Variants in QKI observed in about 807,000 individuals in gnomAD.
QKI encodes the protein KH domain-containing RNA-binding protein QKI.
QKI carries 10 observed loss-of-function variants against 39.0 expected under a neutral mutation model. The observed-to-expected ratio is 0.26, with a 90% CI of 0.16 to 0.43. The LOEUF is 0.43. QKI is among the 20% of genes least tolerant of loss of function. QKI has a pLI of 1.00. For synonymous variants in QKI, 204 were observed against 155.4 expected (o/e 1.31, Z -2.33); for missense variants, 218 against 428.0 (o/e 0.51, Z 4.33).
chr6:163,483,492 AT>A lies in QKI; in HGVS notation c.402+4605del, dbSNP rs199662778. Among the ~76,000 whole-genome samples, 1,624 of 151,918 alleles carry A rather than the reference AT, an allele frequency of 0.011. 81 individuals carry two copies. In the East Asian group the frequency reaches 0.13, roughly 12 times the overall value. Reference sequence around the variant, plus strand: ...AAACTAAGTTTATGTAATATTATAAATTTTTTTTTGTCATTTCAACAGTGTT... The same window carrying A: ...AAACTAAGTTTATGTAATATTATAAATTTTTTTTGTCATTTCAACAGTGTT... On this transcript the variant is annotated intron_variant, in intron 3 of 7. Transcript: ENST00000361752.
In QKI at chr6:163,484,400, C is replaced by T. The variant is rs1036636911; in HGVS notation, c.402+5504C>T. Among the ~76,000 whole-genome samples the T allele has an allele frequency of 5.9e-5, 9 of 152,016 alleles. 1 individual carries two copies. In the South Asian group the frequency reaches 6.2e-4, roughly 11 times the overall value. ...ATTTTTAGTAGAGATGCGGTTTTGC[C>T]GTGTTGGCCAGGCTAGTCTCGAACT... On this transcript the variant is annotated intron_variant, in intron 3 of 7. Transcript: ENST00000361752.
chr6:163,486,391 T>G (rs1190717392), intron 3 of QKI, among the ~76,000 whole-genome samples: 1 of 152,240 alleles, frequency 6.6e-6, no homozygotes, highest in Non-Finnish European at 1.5e-5. Context: ...CTACAGTGTT[T>G]TGTGGAACAT....
chr6:163,455,709 A>G (rs1355829319), intron 2 of QKI, among the ~76,000 whole-genome samples: 1 of 152,222 alleles, frequency 6.6e-6, no homozygotes, highest in Non-Finnish European at 1.5e-5. Flanking sequence ...CAGAGCACCA[A>G]GCACAACATT....
At chr6:163,547,938 A>G (rs1385453042) in intron 4 of QKI, among the ~76,000 whole-genome samples, 1 of 152,124 alleles carries the variant, frequency 6.6e-6, no homozygotes, top group Non-Finnish European at 1.5e-5. Flanking sequence ...AATGTATGGC[A>G]TTCATAGCTT....
chr6:163,482,474 C>T (rs770064757), intron 3 of QKI, among the ~76,000 whole-genome samples: 1 of 152,138 alleles, frequency 6.6e-6, no homozygotes, highest in Non-Finnish European at 1.5e-5. Flanking sequence ...GCTGAGGGCT[C>T]AGTCCCCTAA....
intron 1 of QKI, among the ~76,000 whole-genome samples, chr6:163,421,450 C>T (rs947792911): frequency 6.6e-6 from 1 of 152,136 alleles, no homozygotes; most frequent in African/African-American, 2.4e-5. Context: ...CCGTTAGTTA[C>T]CCTTTTAAAA....
At chr6:163,497,721 G>A (rs893456276) in intron 3 of QKI, among the ~76,000 whole-genome samples, 3 of 151,068 alleles carry the variant, frequency 2.0e-5, no homozygotes, top group African/African-American at 7.3e-5. Context: ...TCTCAGTATA[G>A]CTTTTTGGAA....
At chr6:163,494,258 A>G (rs560387946) in intron 3 of QKI, among the ~76,000 whole-genome samples, 9 of 152,378 alleles carry the variant, frequency 5.9e-5, no homozygotes, top group African/African-American at 2.2e-4. Context: ...TGATTAAAGT[A>G]TATGGAGGAT....
intron 1 of QKI, among the ~76,000 whole-genome samples, chr6:163,418,225 T>C (rs1291444957): frequency 6.6e-6 from 1 of 152,120 alleles, no homozygotes; most frequent in Admixed American, 6.5e-5. Context: ...TATTTTCTGA[T>C]AATTAGGAAT....
chr6:163,525,483 T>A (rs567342606), intron 3 of QKI, among the ~76,000 whole-genome samples: 4 of 151,476 alleles, frequency 2.6e-5, no homozygotes, highest in Non-Finnish European at 5.9e-5. Flanking sequence ...CTCAGCCTCC[T>A]GAGTACCTGG....
intron 1 of QKI, chr6:163,415,983 G>A (rs1489728061): frequency 4.1e-6 from 2 of 485,900 alleles, no homozygotes; most frequent in Non-Finnish European, 8.2e-6. Flanking sequence ...AAGTGACGGC[G>A]AAAAGCACTT....
rs569248360 is a variant in QKI at position 163,535,047 on chromosome 6, T to G, written c.468T>G (p.Thr156=). 1 of 1,612,328 alleles carries G rather than the reference T, an allele frequency of 6.2e-7. No individual in the cohort carries two copies. Among genetic ancestry groups the G allele is most frequent in the African/African-American group, 1.3e-5 (1 of 74,990 alleles). The stretch of plus-strand genomic sequence containing the variant: ...ATGAAGATTTACATGTACTAATCAC[T>G]GTGGAAGATGCTCAGAACAGAGCAG... ...HLNEDLHVLI[T]VEDAQNRAEI... is the part of the protein sequence containing the mutation. Residue 156 remains threonine, a synonymous_variant, in exon 4 of 8, where the codon ACT becomes ACG. Coordinates refer to ENST00000361752, the MANE Select transcript of QKI (RefSeq NM_006775.3).
chr6:163,558,902 A>T (rs889834831), intron 4 of QKI, among the ~76,000 whole-genome samples: 1 of 152,122 alleles, frequency 6.6e-6, no homozygotes, highest in African/African-American at 2.4e-5. Context: ...GGTGTAACAT[A>T]CCATCACCTC....
At chr6:163,529,950 A>G (rs1780749379) in intron 3 of QKI, among the ~76,000 whole-genome samples, 1 of 152,218 alleles carries the variant, frequency 6.6e-6, no homozygotes, top group Admixed American at 6.5e-5. Flanking sequence ...AGATTGAAGT[A>G]TACATTTCTA....
chr6:163,497,245 C>G (rs1290192783), intron 3 of QKI, among the ~76,000 whole-genome samples: 1 of 152,072 alleles, frequency 6.6e-6, no homozygotes, highest in African/African-American at 2.4e-5. Flanking sequence ...TTTGTGCCAT[C>G]ATTAGTTTTG....
intron 3 of QKI, among the ~76,000 whole-genome samples, chr6:163,492,577 T>G (rs757538090): frequency 6.6e-6 from 1 of 152,198 alleles, no homozygotes; most frequent in Non-Finnish European, 1.5e-5. Flanking sequence ...CTGCAAAAAC[T>G]TAAGATTTTT....
chr6:163,517,119 C>T lies in QKI; in HGVS notation c.403-17863C>T, dbSNP rs1779878810. On this transcript the variant is annotated intron_variant, in intron 3 of 7. Transcript: ENST00000361752. ...TCTCTCTCTAGCTCTCTCTAGCTCTCTCTGTCTCCCTTATTATGAGGAATT... is the reference window on the plus strand; with the variant it reads ...TCTCTCTCTAGCTCTCTCTAGCTCTTTCTGTCTCCCTTATTATGAGGAATT... Among the ~76,000 whole-genome samples the T allele has an allele frequency of 2.0e-5, 3 of 151,874 alleles. No individual in the cohort carries two copies. In the South Asian group the frequency reaches 6.2e-4, roughly 31 times the overall value.
intron 1 of QKI, among the ~76,000 whole-genome samples, chr6:163,438,666 A>G (rs1006875420): frequency 6.6e-6 from 1 of 152,128 alleles, no homozygotes; most frequent in African/African-American, 2.4e-5. Flanking sequence ...AAGATAAAAA[A>G]TGGTATACCT....
intron 2 of QKI, among the ~76,000 whole-genome samples, chr6:163,467,794 A>G (rs1217562462): frequency 1.3e-5 from 2 of 152,202 alleles, no homozygotes; most frequent in Non-Finnish European, 2.9e-5. Flanking sequence ...CCAACTTACA[A>G]TGGTCTGACT....
Sources: allele counts gnomAD v4.1 joint callset (sites outside exome capture counted in the v4.1 genomes callset), GRCh38; gene constraint gnomAD v4.1.1; transcripts MANE v1.5; gene names NCBI Gene and HGNC (gene_info 2026-07-23, HGNC 2026-07-21).